The following PHF20 variants were observed in gnomAD, a reference collection of about 807,000 sequenced individuals.
PHF20 encodes the protein PHD finger protein 20, also known as glioma-expressed antigen 2.
A neutral mutation model predicts 113.5 loss-of-function variants in PHF20; 23 were observed. That is an observed-to-expected ratio of 0.20 (90% CI 0.15 to 0.29). The LOEUF is 0.29. Ranked by LOEUF, PHF20 falls within the 10% of genes least tolerant of loss-of-function variation. The pLI, the probability that PHF20 is intolerant of heterozygous loss-of-function variation, is 1.00. For synonymous variants in PHF20, 434 were observed against 457.3 expected (o/e 0.95, Z 0.65); for missense variants, 943 against 1,219.6 (o/e 0.77, Z 3.38).
chr20:35,837,179 A>C (rs370416935), intron 2 of PHF20, among the ~76,000 whole-genome samples: 2 of 152,168 alleles, frequency 1.3e-5, no homozygotes, highest in Non-Finnish European at 2.9e-5. Context: ...TCTCAAAAAC[A>C]AAACAAGAAA....
At chr20:35,943,045 G>A (rs371244762) in intron 17 of PHF20, among the ~76,000 whole-genome samples, 5 of 152,080 alleles carry the variant, frequency 3.3e-5, no homozygotes, top group South Asian at 2.1e-4. Flanking sequence ...GGATGGTCTC[G>A]ATCTCCTGAC....
intron 13 of PHF20, among the ~76,000 whole-genome samples, chr20:35,924,925 T>C (rs1312459845): frequency 3.3e-5 from 5 of 152,054 alleles, no homozygotes; most frequent in South Asian, 2.1e-4. Flanking sequence ...TTAAGCTATA[T>C]AAATATTTGA....
chr20:35,785,925 G>C (rs959124941), intron 1 of PHF20, among the ~76,000 whole-genome samples: 1 of 151,414 alleles, frequency 6.6e-6, no homozygotes, highest in Non-Finnish European at 1.5e-5. Flanking sequence ...TCAGCTACTT[G>C]GGAGGCTGAG....
chr20:35,925,895 G>A (rs1413448507), intron 13 of PHF20, among the ~76,000 whole-genome samples: 3 of 151,918 alleles, frequency 2.0e-5, no homozygotes, highest in Non-Finnish European at 4.4e-5. Context: ...GGCCGAGGCA[G>A]GCGGATCATG....
intron 1 of PHF20, among the ~76,000 whole-genome samples, chr20:35,790,349 T>A (rs1239342286): frequency 6.6e-6 from 1 of 151,790 alleles, no homozygotes; most frequent in African/African-American, 2.4e-5. Flanking sequence ...TACAGGCGCA[T>A]GCCACCACGC....
At chr20:35,818,699 G>A (rs1377080496) in intron 2 of PHF20, among the ~76,000 whole-genome samples, 1 of 152,054 alleles carries the variant, frequency 6.6e-6, no homozygotes, top group African/African-American at 2.4e-5. Context: ...ACTGCACCTG[G>A]CTCATTTTTG....
Position 35,868,641 on chromosome 20 carries a change from C to CA in PHF20, c.809-793dup, listed in dbSNP as rs150721735. 5.8e-3 allele frequency among the ~76,000 whole-genome samples: 804 copies of CA among 139,450 alleles called. 6 individuals are homozygous for CA. The highest frequency in any genetic ancestry group is 0.021 in the African/African-American group (746 of 35,110). The allele number at this position is 139,450 out of a possible 152,430, so 91.5% of individuals were successfully genotyped here. A position where few individuals can be genotyped will look rare whatever the true frequency, so the allele number is the denominator to read the frequency against. On this transcript the variant is annotated intron_variant, in intron 6 of 17. Coordinates refer to ENST00000374012, the MANE Select transcript of PHF20 (RefSeq NM_016436.5). The stretch of plus-strand genomic sequence containing the variant: ...GCAAGCAAGCAAGCAAGCAAGCAAA[C>CA]AAAATCTAAATAGTAAGTACTCTTC...
Position 35,941,010 on chromosome 20 carries a change from T to G in PHF20, c.2859T>G (p.Val953=). 6.2e-7 allele frequency: 1 copy of G among 1,614,134 alleles called. No homozygotes were observed. Among genetic ancestry groups the G allele is most frequent in the Non-Finnish European group, 8.5e-7 (1 of 1,180,006 alleles). Residue 953 remains valine, a synonymous_variant, in exon 17 of 18, where the codon GTT becomes GTG. Transcript: ENST00000374012. ...ATGTGGAATCTCTTCAGGATGAAGT[T>G]ACGCACAGGATGGACTCCATTGAGA... is the stretch of plus-strand genomic sequence containing the variant. ...LTHVESLQDE[V]THRMDSIEKE...
intron 2 of PHF20, among the ~76,000 whole-genome samples, chr20:35,825,712 G>A (rs2146909617): frequency 6.8e-6 from 1 of 146,780 alleles, no homozygotes; most frequent in East Asian, 2.0e-4. Flanking sequence ...GGCTATTTAC[G>A]AGTGCCATGA....
intron 1 of PHF20, among the ~76,000 whole-genome samples, chr20:35,791,833 G>C (rs1220249911): frequency 1.3e-5 from 2 of 152,062 alleles, no homozygotes; most frequent in Non-Finnish European, 2.9e-5. Flanking sequence ...GGAGGTAAGG[G>C]AAGTGCCCAT....
chr20:35,807,562 A>T (rs2041906713), intron 2 of PHF20, among the ~76,000 whole-genome samples: 1 of 152,008 alleles, frequency 6.6e-6, no homozygotes, highest in South Asian at 2.1e-4. Flanking sequence ...CATTTTGGCC[A>T]GGCTGGTCTT....
At chr20:35,795,529 G>A (rs953341704) in intron 1 of PHF20, among the ~76,000 whole-genome samples, 6 of 151,906 alleles carry the variant, frequency 3.9e-5, no homozygotes, top group East Asian at 1.9e-4. Context: ...GAGCCACTGC[G>A]CCCAGCTGAC....
rs547276975 is a variant in PHF20 at position 35,930,755 on chromosome 20, A to G, written c.2105-494A>G. ...AAAGGCTTAGGGAATAGTGCTGCAG[A>G]CAGAAGGGATGCGCAAGTGAAGGTC... On this transcript the variant is annotated intron_variant, in intron 14 of 17. Transcript: ENST00000374012. 3.3e-5 allele frequency among the ~76,000 whole-genome samples: 5 copies of G among 152,306 alleles called. No individual in the cohort carries two copies. The South Asian group carries it at 1.0e-3, about 32-fold the overall frequency.
intron 9 of PHF20, among the ~76,000 whole-genome samples, chr20:35,893,643 T>C (rs2054920185): frequency 6.6e-6 from 1 of 152,012 alleles, no homozygotes; most frequent in Non-Finnish European, 1.5e-5. Flanking sequence ...AGACAGAGTT[T>C]GGCTCTTGTT....
intron 1 of PHF20, among the ~76,000 whole-genome samples, chr20:35,800,832 C>G (rs1462287483): frequency 2.0e-5 from 3 of 152,102 alleles, no homozygotes; most frequent in Non-Finnish European, 4.4e-5. Flanking sequence ...GTATTAATAT[C>G]TCAACTTTTG....
intron 10 of PHF20, among the ~76,000 whole-genome samples, chr20:35,909,835 G>T (rs773055493): frequency 6.6e-6 from 1 of 152,172 alleles, no homozygotes; most frequent in Non-Finnish European, 1.5e-5. Context: ...TGGGAGAGGG[G>T]CCTGGGTTGC....
In PHF20 at chr20:35,779,492, G is replaced by C. The variant is rs571528313; in HGVS notation, c.-33+7413G>C. Among the ~76,000 whole-genome samples the C allele has an allele frequency of 2.6e-4, 39 of 150,870 alleles. No individual in the cohort carries two copies. The South Asian group carries it at 7.8e-3, about 30-fold the overall frequency. ...GAGGTCTCTTTCTCATATGGAAAAAGTCCATAGCTGGTGGATTGACATTCC... is the reference window on the plus strand; with the variant it reads ...GAGGTCTCTTTCTCATATGGAAAAACTCCATAGCTGGTGGATTGACATTCC... On this transcript the variant is annotated intron_variant, in intron 1 of 17. Coordinates refer to ENST00000374012, the MANE Select transcript of PHF20 (RefSeq NM_016436.5).
At chr20:35,928,864 G>A (rs377138638) in intron 14 of PHF20, among the ~76,000 whole-genome samples, 6 of 152,290 alleles carry the variant, frequency 3.9e-5, no homozygotes, top group African/African-American at 9.6e-5. Context: ...GGTAGAGCCT[G>A]TTGCCACCCT....
intron 9 of PHF20, among the ~76,000 whole-genome samples, chr20:35,889,525 A>T (rs2054808747): frequency 6.6e-6 from 1 of 150,552 alleles, no homozygotes; most frequent in Non-Finnish European, 1.5e-5. Context: ...CCACGCCCGG[A>T]TAAATTTTTG....
Sources: gnomAD v4.1 joint callset for allele counts (sites outside exome capture counted in the v4.1 genomes callset) on GRCh38, gnomAD v4.1.1 for gene constraint, MANE v1.5 for transcripts, NCBI Gene and HGNC (gene_info 2026-07-23, HGNC 2026-07-21) for gene names.